AP3B1: variants seen among roughly 807,000 people sequenced by gnomAD.
The protein encoded by AP3B1 is AP-3 complex subunit beta-1.
In AP3B1, 61 loss-of-function variants were observed where a neutral mutation model predicts 132.5. That is an observed-to-expected ratio of 0.46 (90% confidence interval 0.37 to 0.57). The LOEUF is 0.57. Ranked by LOEUF, AP3B1 falls within the 20% of genes least tolerant of loss-of-function variation. The probability of loss-of-function intolerance (pLI) is 0.00; values close to 1 mark genes in which losing one functional copy is unlikely to be tolerated. For missense variants in AP3B1, 1,120 were observed against 1,289.4 expected, an observed-to-expected ratio of 0.87 and a Z score of 2.01; for synonymous variants, 388 against 438.3, an observed-to-expected ratio of 0.89 and a Z score of 1.43.
At chr5:78,193,153 G>A (rs965660030) in intron 7 of AP3B1, among the ~76,000 whole-genome samples, 2 of 152,050 alleles carry the variant, frequency 1.3e-5, no homozygotes, top group Non-Finnish European at 2.9e-5. Context: ...TTTAAATTCA[G>A]TAATATTTTA....
chr5:78,198,034 A>T (rs1432623466), intron 7 of AP3B1, among the ~76,000 whole-genome samples: 3 of 152,232 alleles, frequency 2.0e-5, no homozygotes, highest in Non-Finnish European at 4.4e-5. Context: ...CACAGAGATT[A>T]AAAATGGTAG....
At position 78,115,919 on chromosome 5, in the gene AP3B1, A is replaced by C. The variant is rs190903665; in HGVS notation, c.2077+207T>G. On this transcript the variant is annotated intron_variant, in intron 18 of 26. Coordinates refer to ENST00000255194, the MANE Select transcript of AP3B1 (RefSeq NM_003664.5). Reference sequence around the variant, plus strand: ...TATACCAATGTATCAGCTACTATCCAAGAGATATTGTAAAGTAAAAAGAGA... The same window carrying C: ...TATACCAATGTATCAGCTACTATCCCAGAGATATTGTAAAGTAAAAAGAGA... 1.1e-3 allele frequency: 624 copies of C among 587,678 alleles called. 1 individual carries two copies. Among genetic ancestry groups the C allele is most frequent in the African/African-American group, 0.011 (570 of 53,914 alleles). 36.4% of individuals were successfully genotyped at this position (587,678 alleles called of 1,614,324 possible).
intron 20 of AP3B1, 82 bp from the exon 21 acceptor site, chr5:78,101,107 T>C (rs1313988540): frequency 6.3e-6 from 5 of 794,296 alleles, no homozygotes; most frequent in East Asian, 5.5e-5. Context: ...CAAAACAAAC[T>C]TTTTTTTCCT....
intron 20 of AP3B1, among the ~76,000 whole-genome samples, chr5:78,103,211 T>C (rs1007134040): frequency 1.3e-5 from 2 of 152,300 alleles, no homozygotes; most frequent in Non-Finnish European, 2.9e-5. Context: ...AAAAATAAAA[T>C]TCTGAATTCT....
At chr5:78,084,521 C>CAAAAAAAAAAAAAAAAAAAAAAAAAAAAA (rs568637894) in intron 22 of AP3B1, among the ~76,000 whole-genome samples, 2 of 44,004 alleles carry the variant, frequency 4.5e-5, no homozygotes, top group African/African-American at 1.1e-4. Flanking sequence ...CAGACCCTGT[C>CAAAAAAAAAAAAAAAAAAAAAAAAAAAAA]AAAAAAAAAA....
At chr5:78,278,944 C>T (rs981056279) in intron 1 of AP3B1, among the ~76,000 whole-genome samples, 4 of 152,076 alleles carry the variant, frequency 2.6e-5, no homozygotes, top group African/African-American at 9.7e-5. Context: ...ACCCCCACCC[C>T]CTTCCATGGA....
chr5:78,049,815 G>C (rs1047052756), intron 22 of AP3B1, among the ~76,000 whole-genome samples: 1 of 152,120 alleles, frequency 6.6e-6, no homozygotes, highest in Admixed American at 6.5e-5. Context: ...ATCAGTTAAA[G>C]TTACATCATG....
chr5:78,083,960 T>C (rs1057195802), intron 22 of AP3B1, among the ~76,000 whole-genome samples: 4 of 152,136 alleles, frequency 2.6e-5, no homozygotes, highest in Non-Finnish European at 5.9e-5. Flanking sequence ...TAAATAAAAA[T>C]TATAGATGGA....
intron 2 of AP3B1, among the ~76,000 whole-genome samples, chr5:78,251,648 G>C (rs1011427411): frequency 9.8e-5 from 15 of 152,294 alleles, no homozygotes; most frequent in African/African-American, 2.9e-4. Context: ...ATTTAAACCA[G>C]CCCTAGCCAG....
intron 7 of AP3B1, among the ~76,000 whole-genome samples, chr5:78,191,772 A>G (rs571389887): frequency 6.2e-4 from 94 of 152,300 alleles, no homozygotes; most frequent in African/African-American, 2.1e-3. Flanking sequence ...TATTAAGTGA[A>G]GGGTATCAAG....
At chr5:78,221,173 G>C (rs1746164433) in intron 6 of AP3B1, among the ~76,000 whole-genome samples, 1 of 152,124 alleles carries the variant, frequency 6.6e-6, no homozygotes, top group African/African-American at 2.4e-5. Flanking sequence ...CATCTACTAA[G>C]AAAACATACT....
chr5:78,193,770 A>ATATATATTTTTTTTT, intron 7 of AP3B1, among the ~76,000 whole-genome samples: 2,112 of 66,272 alleles, frequency 0.032, 61 homozygotes, highest in Admixed American at 0.063. Context: ...ATATATATAT[A>ATATATATTTTTTTTT]TTTTTTTTTT....
intron 24 of AP3B1, among the ~76,000 whole-genome samples, chr5:78,029,459 T>C (rs1314800024): frequency 6.6e-6 from 1 of 152,086 alleles, no homozygotes; most frequent in Non-Finnish European, 1.5e-5. Context: ...CATTCTCTCT[T>C]AGGGAGGTTT....
intron 7 of AP3B1, among the ~76,000 whole-genome samples, chr5:78,183,907 C>T (rs1337234869): frequency 1.4e-5 from 2 of 146,020 alleles, no homozygotes; most frequent in African/African-American, 5.1e-5. Context: ...CAGTGGCTCA[C>T]GCCTGTAATC....
chr5:78,089,643 G>A (rs1580331502), intron 21 of AP3B1, 144 bp from the exon 22 acceptor site: 1 of 689,790 alleles, frequency 1.4e-6, no homozygotes, highest in African/African-American at 1.8e-5. Context: ...TCTTGATTTA[G>A]TCAACTTATT....
At chr5:78,050,820 T>C (rs1329726246) in intron 22 of AP3B1, among the ~76,000 whole-genome samples, 1 of 152,154 alleles carries the variant, frequency 6.6e-6, no homozygotes, top group Non-Finnish European at 1.5e-5. Context: ...AGATGCATTA[T>C]AAGCAAATGA....
intron 15 of AP3B1, among the ~76,000 whole-genome samples, chr5:78,135,373 A>G (rs1752869555): frequency 1.3e-5 from 2 of 152,204 alleles, no homozygotes; most frequent in African/African-American, 4.8e-5. Flanking sequence ...AAAATTTGAA[A>G]ACTCACAAAA....
Position 78,228,244 on chromosome 5 carries a change from TA to T in AP3B1, c.280-6del, listed in dbSNP as rs5868908. ...AACATATACCAACTTCTTGATCTGT[TA>T]AAAAAAAATCATTTATTCATAACCA... On this transcript the variant is annotated splice_polypyrimidine_tract_variant and splice_region_variant and intron_variant, in intron 3 of 26. Coordinates refer to ENST00000255194, the MANE Select transcript of AP3B1 (RefSeq NM_003664.5). 1.3e-4 allele frequency: 196 copies of T among 1,558,668 alleles called. No homozygotes were observed. The highest frequency in any genetic ancestry group is 3.4e-4 in the Middle Eastern group (2 of 5,926).
intron 22 of AP3B1, among the ~76,000 whole-genome samples, chr5:78,067,608 G>A (rs1478857340): frequency 6.6e-6 from 1 of 152,182 alleles, no homozygotes; most frequent in Non-Finnish European, 1.5e-5. Context: ...TCAAGGTTAA[G>A]AAATTCACTC....
Sources: gnomAD v4.1 joint callset for allele counts (sites outside exome capture counted in the v4.1 genomes callset) on GRCh38, gnomAD v4.1.1 for gene constraint, MANE v1.5 for transcripts, NCBI Gene and HGNC (gene_info 2026-07-23, HGNC 2026-07-21) for gene names.